SAMMSON: variants seen among roughly 807,000 people sequenced by gnomAD.
SAMMSON encodes the protein long intergenic non-protein coding RNA 1212.
At chr3:70,425,898 A>G (rs182039773) in intron 2 of SAMMSON, among the ~76,000 whole-genome samples, 61 of 152,326 alleles carry the variant, frequency 4.0e-4, no homozygotes, top group East Asian at 2.1e-3. Flanking sequence ...TGCAACAGAG[A>G]TAAACATTTT....
intron 2 of SAMMSON, among the ~76,000 whole-genome samples, chr3:70,412,731 C>T (rs1701230009): frequency 6.6e-6 from 1 of 152,098 alleles, no homozygotes; most frequent in Admixed American, 6.5e-5. Flanking sequence ...TACTTAGAAG[C>T]CCAAGGGGCT....
chr3:70,245,702 T>C (rs1701700642), intron 4 of SAMMSON, among the ~76,000 whole-genome samples: 1 of 138,400 alleles, frequency 7.2e-6, no homozygotes, highest in Non-Finnish European at 1.6e-5. Flanking sequence ...TATATATATA[T>C]ATATATATAT....
chr3:70,263,075 C>T (rs184173210), intron 6 of SAMMSON, among the ~76,000 whole-genome samples: 20 of 152,186 alleles, frequency 1.3e-4, no homozygotes, highest in Admixed American at 1.2e-3. Flanking sequence ...TTATGTTTGT[C>T]TTTCCTCTAT....
In SAMMSON at chr3:70,045,328, G is replaced by A. The variant is rs561179973; in HGVS notation, n.418-26148G>A. ...TTTTGCAGGCAAAGAATCACCCATC[G>A]AAACAATTTAGAAGCAAATGGAGGA... On this transcript the variant is annotated intron_variant and non_coding_transcript_variant, in intron 3 of 9. Coordinates refer to ENST00000642114, the Ensembl canonical transcript of SAMMSON. Among the ~76,000 whole-genome samples, 15 of 149,896 alleles carry A rather than the reference G, an allele frequency of 1.0e-4. No homozygotes were observed. The South Asian group carries it at 1.7e-3, about 17-fold the overall frequency.
chr3:70,417,009 G>C (rs1030173870), intron 2 of SAMMSON, among the ~76,000 whole-genome samples: 2 of 151,972 alleles, frequency 1.3e-5, no homozygotes, highest in Non-Finnish European at 2.9e-5. Flanking sequence ...TTCCATGACA[G>C]ACATCACTAA....
chr3:70,186,436 TTA>T, intron 4 of SAMMSON, among the ~76,000 whole-genome samples: 1 of 152,182 alleles, frequency 6.6e-6, no homozygotes, highest in Non-Finnish European at 1.5e-5. Context: ...TTTTATTTTT[TTA>T]TTTTTTGGTA....
intron 1 of SAMMSON, among the ~76,000 whole-genome samples, chr3:70,007,614 A>G (rs1192891233): frequency 6.6e-6 from 1 of 151,008 alleles, no homozygotes; most frequent in East Asian, 1.9e-4. Flanking sequence ...CTCTGATTGT[A>G]GTTTTTTTTT....
intron 4 of SAMMSON, chr3:70,125,574 C>A: frequency 1.4e-6 from 1 of 697,954 alleles, no homozygotes; most frequent in Non-Finnish European, 2.6e-6. Flanking sequence ...ACAGGTAGAT[C>A]ATTATTTTTT....
chr3:70,373,188 C>T (rs1017520563), intron 9 of SAMMSON, among the ~76,000 whole-genome samples: 1 of 152,008 alleles, frequency 6.6e-6, no homozygotes, highest in Non-Finnish European at 1.5e-5. Context: ...ATTAAATATT[C>T]TGTTTTCCTT....
At chr3:70,283,478 C>A (rs1702109541) in intron 6 of SAMMSON, 1 of 152,066 alleles carries the variant, frequency 6.6e-6, no homozygotes, top group Non-Finnish European at 1.5e-5. Context: ...TTGAATCCCA[C>A]ATACAGCATC....
At position 70,090,397 on chromosome 3, in the gene SAMMSON, A is replaced by G. The variant is rs541915435; in HGVS notation, n.507+18832A>G. 2.0e-5 allele frequency among the ~76,000 whole-genome samples: 3 copies of G among 152,290 alleles called. No homozygotes were observed. The East Asian group carries it at 5.8e-4, about 29-fold the overall frequency. ...AATGGCATTTAGCTTGTGAAATTGA[A>G]CAACTGTATCTCAAGACAGAATGTT... On this transcript the variant is annotated intron_variant and non_coding_transcript_variant, in intron 4 of 9. Coordinates refer to ENST00000642114, the Ensembl canonical transcript of SAMMSON.
chr3:70,250,826 C>G (rs1342669634), intron 6 of SAMMSON, among the ~76,000 whole-genome samples: 1 of 152,082 alleles, frequency 6.6e-6, no homozygotes, highest in Non-Finnish European at 1.5e-5. Flanking sequence ...GCACACAGTT[C>G]TTTTCAGGGA....
At chr3:70,110,063 C>G (rs1267645481) in intron 4 of SAMMSON, among the ~76,000 whole-genome samples, 1 of 152,202 alleles carries the variant, frequency 6.6e-6, no homozygotes, top group African/African-American at 2.4e-5. Context: ...GTGATAACCA[C>G]AGGGTGCTGT....
intron 7 of SAMMSON, among the ~76,000 whole-genome samples, chr3:70,323,744 C>G (rs913333299): frequency 2.0e-5 from 3 of 152,136 alleles, no homozygotes; most frequent in African/African-American, 7.2e-5. Flanking sequence ...CACCTTGTTC[C>G]TTTTCTGCTG....
chr3:70,054,483 C>T (rs978596726), intron 3 of SAMMSON, among the ~76,000 whole-genome samples: 1 of 152,122 alleles, frequency 6.6e-6, no homozygotes, highest in African/African-American at 2.4e-5. Context: ...TTTGCATCCT[C>T]TCTTGTTCGG....
intron 4 of SAMMSON, among the ~76,000 whole-genome samples, chr3:70,073,317 T>A (rs933994837): frequency 6.6e-6 from 1 of 152,026 alleles, no homozygotes; most frequent in African/African-American, 2.4e-5. Context: ...GAGGACAACA[T>A]GAAAAATGAA....
intron 3 of SAMMSON, among the ~76,000 whole-genome samples, chr3:70,061,844 C>T (rs1359510392): frequency 6.6e-6 from 1 of 152,148 alleles, no homozygotes; most frequent in Non-Finnish European, 1.5e-5. Flanking sequence ...TCTCTTGTCA[C>T]TTGCAACAGC....
At chr3:70,370,309 T>C (rs1057152251) in intron 9 of SAMMSON, among the ~76,000 whole-genome samples, 2 of 152,020 alleles carry the variant, frequency 1.3e-5, no homozygotes, top group Non-Finnish European at 2.9e-5. Context: ...ACGGATTTCC[T>C]TTCCTTTGGA....
intron 6 of SAMMSON, among the ~76,000 whole-genome samples, chr3:70,274,274 T>C (rs1270557538): frequency 6.6e-6 from 1 of 152,118 alleles, no homozygotes; most frequent in Non-Finnish European, 1.5e-5. Flanking sequence ...CAAATTTTAA[T>C]ATTTTAGAGC....
Sources: allele counts gnomAD v4.1 joint callset (sites outside exome capture counted in the v4.1 genomes callset), GRCh38; gene constraint gnomAD v4.1.1; transcripts MANE v1.5; gene names NCBI Gene and HGNC (gene_info 2026-07-23, HGNC 2026-07-21).